The following MYO1A variants were observed in gnomAD, a reference collection of about 807,000 sequenced individuals.
MYO1A encodes unconventional myosin-Ia.
MYO1A carries 127 observed loss-of-function variants against 138.5 expected under a neutral mutation model. The ratio of observed to expected loss-of-function variants is 0.92; its 90% CI spans 0.79 to 1.06. The LOEUF (loss-of-function observed/expected upper bound fraction) is 1.06. Ranked by LOEUF, MYO1A falls within the 50% of genes least tolerant of loss-of-function variation. The pLI, the probability that MYO1A is intolerant of heterozygous loss-of-function variation, is 0.00. For synonymous variants in MYO1A, 477 were observed against 497.5 expected (o/e 0.96, Z 0.55); for missense variants, 1,211 against 1,288.8 (o/e 0.94, Z 0.92).
Position 57,038,478 on chromosome 12 carries a change from G to A in MYO1A, c.1694C>T (p.Ala565Val). The A allele has an allele frequency of 6.2e-7, 1 of 1,614,200 alleles. No homozygotes were observed. The highest frequency in any genetic ancestry group is 8.5e-7 in the Non-Finnish European group (1 of 1,180,042). Residue 565 changes from alanine (A) to valine (V), a missense_variant, in exon 17 of 28, where the codon GCC becomes GTC. Ala to Val is a moderately conservative substitution (Grantham distance 64). Transcript: ENST00000300119. The part of the protein sequence containing the change: ...ASLKRPPTAG[A>V]QFKSSVAILM... ...GATGGCCACAGAACTCTTGAACTGG[G>A]CCCCAGCAGTCGGGGGGCGTTTGAG...
At chr12:57,031,954 C>G (rs1489739686) in intron 22 of MYO1A, among the ~76,000 whole-genome samples, 1 of 152,220 alleles carries the variant, frequency 6.6e-6, no homozygotes, top group Non-Finnish European at 1.5e-5. Context: ...CACTTAAGAG[C>G]CCAGCCTCAT....
rs1451382588 is a variant in MYO1A, at chr12:57,046,861, A to G, written c.541+2T>C. 3.0e-5 allele frequency: 48 copies of G among 1,613,828 alleles called. No homozygotes were observed. The highest frequency in any genetic ancestry group is 3.9e-5 in the Non-Finnish European group (46 of 1,179,902). ...GGTGAGTGGAATTGGGGAGACACGT[A>G]CAGTTTGTGATGACACCACCGAGGG... is the stretch of plus-strand genomic sequence containing the variant. On this transcript the variant is annotated splice_donor_variant, in intron 7 of 27. Coordinates refer to ENST00000300119, the MANE Select transcript of MYO1A (RefSeq NM_005379.4). LOFTEE classifies it high-confidence loss of function.
At chr12:57,029,076 C>A (rs2030125599) in intron 27 of MYO1A, 56 bp downstream of exon 27, 1 of 1,613,692 alleles carries the variant, frequency 6.2e-7, no homozygotes, top group African/African-American at 1.3e-5. Flanking sequence ...GTCACGATGA[C>A]CATCAGCCTG....
intron 20 of MYO1A, 45 bp downstream of exon 20, chr12:57,036,897 T>C: frequency 6.2e-7 from 1 of 1,614,206 alleles, no homozygotes; most frequent in South Asian, 1.1e-5. Flanking sequence ...ACCTTCCATC[T>C]TCCCTATTAG....
At chr12:57,044,084 C>T (rs769797109) in intron 9 of MYO1A, 22 bp downstream of exon 9, 10 of 1,614,178 alleles carry the variant, frequency 6.2e-6, no homozygotes, top group Non-Finnish European at 8.5e-6. Context: ...GGGCCCAAGC[C>T]TGCCTCACCC....
At chr12:57,030,863 C>G (rs899709197) in intron 23 of MYO1A, among the ~76,000 whole-genome samples, 177 bp downstream of exon 23, 2 of 152,142 alleles carry the variant, frequency 1.3e-5, no homozygotes, top group South Asian at 2.1e-4. Context: ...ACATGAATGT[C>G]GCTCATGCCA....
intron 23 of MYO1A, 45 bp from the exon 24 acceptor site, chr12:57,030,361 G>A (rs142830604): frequency 1.4e-6 from 2 of 1,434,632 alleles, no homozygotes; most frequent in Non-Finnish European, 2.0e-6. Flanking sequence ...GAGTGGGAGG[G>A]CAGGGCTGGG....
At chr12:57,039,995 T>C (rs1359017901) in intron 14 of MYO1A, among the ~76,000 whole-genome samples, 1 of 152,236 alleles carries the variant, frequency 6.6e-6, no homozygotes, top group East Asian at 1.9e-4. Context: ...AATCGTTCTC[T>C]ACTTTGGGGA....
At chr12:57,031,003 G>C (rs79143359) in intron 23 of MYO1A, 37 bp downstream of exon 23, 2 of 1,608,778 alleles carry the variant, frequency 1.2e-6, no homozygotes, top group Non-Finnish European at 1.7e-6. Flanking sequence ...GGAAAAAAAA[G>C]ACGAAATGAG....
chr12:57,042,951 C>G, intron 12 of MYO1A, 121 bp downstream of exon 12: 2 of 917,732 alleles, frequency 2.2e-6, no homozygotes, highest in Non-Finnish European at 3.5e-6. Context: ...TTAGAAGGAA[C>G]TGTACCCTCC....
At chr12:57,035,150 G>T (rs773500014) in intron 22 of MYO1A, among the ~76,000 whole-genome samples, 1 of 152,100 alleles carries the variant, frequency 6.6e-6, no homozygotes, top group Non-Finnish European at 1.5e-5. Flanking sequence ...CAGCTTCTGG[G>T]TTGACAATTA....
chr12:57,028,759 T>G lies in MYO1A; in HGVS notation c.3128A>C (p.Gln1043Pro). The stretch of plus-strand genomic sequence containing the variant: ...TCTCTGCATGGTGCCCCCTCCTCAC[T>G]GCACAGTCACCTCCAAGCAATGACT... ...KGSHCLEVTV[Q>P] Residue 1043 changes from glutamine to proline, a missense_variant, in exon 28 of 28, where the codon CAG becomes CCG. Transcript: ENST00000300119. 1 of 1,614,058 alleles carries G rather than the reference T, an allele frequency of 6.2e-7. No homozygotes were observed. Among genetic ancestry groups the G allele is most frequent in the Non-Finnish European group, 8.5e-7 (1 of 1,179,960 alleles).
At chr12:57,047,466 CCTT>C (rs2031157029) in intron 4 of MYO1A, 59 bp from the exon 5 acceptor site, 1 of 1,558,200 alleles carries the variant, frequency 6.4e-7, no homozygotes, top group Non-Finnish European at 8.9e-7. Flanking sequence ...CCCCCCACCT[CCTT>C]AACTTGCTTC....
At chr12:57,038,343 T>C (rs1221802600) in intron 17 of MYO1A, 69 bp downstream of exon 17, 1 of 1,530,104 alleles carries the variant, frequency 6.5e-7, no homozygotes, top group African/African-American at 1.4e-5. Context: ...ATGGACGTGT[T>C]CTACAGCGCA....
At chr12:57,043,449 C>G in intron 10 of MYO1A, 91 bp from the exon 11 acceptor site, 1 of 1,223,018 alleles carries the variant, frequency 8.2e-7, no homozygotes. Flanking sequence ...GCCTGAGACA[C>G]TGGTGTCCTG....
rs1409609196 is a variant in MYO1A, at chr12:57,028,795, T to C, written c.3092A>G (p.Lys1031Arg). The change falls in exon 28 of 28, where the codon AAA becomes AGA. Residue 1031 changes from lysine to arginine, a missense_variant. Coordinates refer to ENST00000300119, the MANE Select transcript of MYO1A (RefSeq NM_005379.4). ...CTCCAAGCAATGACTCCCCTTTTTT[T>C]TGTAGCGTAGCTTGCTGTTGTCACC... ...AGGDNSKLRY[K>R]KKGSHCLEVT... The C allele has an allele frequency of 6.2e-7, 1 of 1,614,072 alleles. No homozygotes were observed. Among genetic ancestry groups the C allele is most frequent in the Non-Finnish European group, 8.5e-7 (1 of 1,180,004 alleles).
At chr12:57,043,588 C>T (rs1042329781) in intron 10 of MYO1A, among the ~76,000 whole-genome samples, 1 of 152,134 alleles carries the variant, frequency 6.6e-6, no homozygotes, top group Non-Finnish European at 1.5e-5. Context: ...ATGAGAATCT[C>T]CTGAATTAGG....
At position 57,043,295 on chromosome 12, in the gene MYO1A, G is replaced by A. The variant is rs201050907; in HGVS notation, c.956C>T (p.Ser319Leu). Residue 319 changes from serine to leucine, a missense_variant, in exon 11 of 28, where the codon TCG becomes TTG. Coordinates refer to ENST00000300119, the MANE Select transcript of MYO1A (RefSeq NM_005379.4). ...TTCCTTGGCTGTTTCCATGGTCCTC[G>A]AGCACAAAGCTCTCTCTACTTCTTC... is the stretch of plus-strand genomic sequence containing the variant. Reference protein sequence around the residue: ...NSEEVERALCSRTMETAKEKV... With the variant: ...NSEEVERALCLRTMETAKEKV... 35 of 1,614,114 alleles carry A rather than the reference G, an allele frequency of 2.2e-5. No individual in the cohort carries two copies. The African/African-American group carries it at 3.2e-4, about 15-fold the overall frequency.
chr12:57,034,147 C>T (rs965471475), intron 22 of MYO1A, among the ~76,000 whole-genome samples: 1 of 152,188 alleles, frequency 6.6e-6, no homozygotes, highest in Non-Finnish European at 1.5e-5. Flanking sequence ...TTGCCCAAGC[C>T]TCTATTGATG....
Sources: allele counts gnomAD v4.1 joint callset (sites outside exome capture counted in the v4.1 genomes callset), GRCh38; gene constraint gnomAD v4.1.1; transcripts MANE v1.5; gene names NCBI Gene and HGNC (gene_info 2026-07-23, HGNC 2026-07-21).